Variants in SORBS3 observed in about 807,000 individuals in gnomAD.
SORBS3 encodes vinexin.
SORBS3 carries 69 observed loss-of-function variants against 98.0 expected under a neutral mutation model. The ratio of observed to expected loss-of-function variants is 0.70; its 90% CI spans 0.58 to 0.86. The LOEUF is 0.86. SORBS3 is among the 40% of genes least tolerant of loss of function. The pLI is 0.00. For missense variants in SORBS3, 954 were observed against 908.5 expected, an observed-to-expected ratio of 1.05 and a Z score of -0.64; for synonymous variants, 394 against 355.4, an observed-to-expected ratio of 1.11 and a Z score of -1.22.
chr8:22,547,291 C>G (rs1432202891), upstream of SORBS3, among the ~76,000 whole-genome samples: 2 of 149,750 alleles, frequency 1.3e-5, no homozygotes, highest in African/African-American at 2.5e-5. Context: ...CTGTTCCTCA[C>G]TTTGTTGCCT....
chr8:22,561,990 G>A (rs1380254624), intron 7 of SORBS3, 59 bp downstream of exon 7: 2 of 1,534,696 alleles, frequency 1.3e-6, no homozygotes, highest in Non-Finnish European at 1.8e-6. Flanking sequence ...GAGACACCAT[G>A]GGACGGGCGC....
chr8:22,569,016 T>A, intron 16 of SORBS3, 132 bp from the exon 17 acceptor site: 1 of 935,282 alleles, frequency 1.1e-6, no homozygotes, highest in Non-Finnish European at 1.5e-6. Flanking sequence ...CCCCCAGGGC[T>A]TGTGTCTGGT....
At chr8:22,545,344 A>T (rs192430691) in intron 1 of SORBS3, 52 of 152,408 alleles carry the variant, frequency 3.4e-4, no homozygotes, top group African/African-American at 1.2e-3. Context: ...GTGAGTAGAG[A>T]ACTGTATTAA....
At chr8:22,559,076 T>A (rs1293157466) in intron 5 of SORBS3, among the ~76,000 whole-genome samples, 1 of 152,016 alleles carries the variant, frequency 6.6e-6, no homozygotes, top group African/African-American at 2.4e-5. Flanking sequence ...AGCGGAAGAG[T>A]GCCATGCTCT....
intron 16 of SORBS3, among the ~76,000 whole-genome samples, chr8:22,567,903 A>G (rs1001966413): frequency 6.8e-6 from 1 of 147,714 alleles, no homozygotes; most frequent in Non-Finnish European, 1.5e-5. Context: ...GCTGGAGTGC[A>G]GTGGCGGGAT....
At chr8:22,547,339 T>TA (rs1840026418), upstream of SORBS3, among the ~76,000 whole-genome samples, 5 of 152,154 alleles carry the variant, frequency 3.3e-5, no homozygotes, top group Admixed American at 1.3e-4. Flanking sequence ...TTTTTTTTTT[T>TA]ATCACAACTT....
chr8:22,570,865 A>T (rs998737235), intron 17 of SORBS3, 45 bp from the exon 18 acceptor site: 11 of 1,536,972 alleles, frequency 7.2e-6, no homozygotes, highest in Middle Eastern at 3.5e-4. Context: ...CCGTGGGTCC[A>T]TGGCACCAGG....
chr8:22,565,728 C>G (rs1840396415), intron 11 of SORBS3, 98 bp from the exon 12 acceptor site: 1 of 1,259,840 alleles, frequency 7.9e-7, no homozygotes, highest in East Asian at 3.3e-5. Flanking sequence ...CGCCCGCTCT[C>G]CTCCCCTCCC....
At position 22,552,245 on chromosome 8, in the gene SORBS3, G is replaced by A. The variant is rs542798711; in HGVS notation, c.-56+223G>A. Among the ~76,000 whole-genome samples, 3 of 152,300 alleles carry A rather than the reference G, an allele frequency of 2.0e-5. No homozygotes were observed. In the South Asian group the frequency reaches 6.2e-4, roughly 32 times the overall value. ...ATACCTGGGAAAGCTCTTAGGGCCA[G>A]GCACCCAAGGTCAGGGCAGTGTTCA... On this transcript the variant is annotated intron_variant, in intron 1 of 20. Coordinates refer to ENST00000240123, the MANE Select transcript of SORBS3 (RefSeq NM_005775.5).
chr8:22,571,954 G>T (rs555415382), intron 19 of SORBS3, 133 bp downstream of exon 19: 13 of 669,944 alleles, frequency 1.9e-5, no homozygotes, highest in African/African-American at 1.1e-4. Flanking sequence ...TGTCCTCGAA[G>T]AGCTTATGGT....
intron 3 of SORBS3, 112 bp from the exon 4 acceptor site, chr8:22,556,603 G>A (rs749951876): frequency 9.1e-6 from 8 of 876,538 alleles, no homozygotes; most frequent in Non-Finnish European, 1.3e-5. Context: ...CAAACAAGGC[G>A]ATGTTGAAAC....
At chr8:22,561,425 C>T (rs753231632) in intron 6 of SORBS3, 52 bp downstream of exon 6, 2 of 1,605,690 alleles carry the variant, frequency 1.2e-6, no homozygotes, top group Non-Finnish European at 1.7e-6. Flanking sequence ...CTGCGTCCGC[C>T]CCTCCCTGGG....
At chr8:22,547,270 T>A (rs1840025527), upstream of SORBS3, among the ~76,000 whole-genome samples, 1 of 151,890 alleles carries the variant, frequency 6.6e-6, no homozygotes, top group Non-Finnish European at 1.5e-5. Context: ...AACCTGTTGC[T>A]CCATCTAGAT....
intron 6 of SORBS3, 104 bp downstream of exon 6, chr8:22,561,477 T>C: frequency 7.7e-7 from 1 of 1,302,626 alleles, no homozygotes; most frequent in Non-Finnish European, 1.1e-6. Context: ...GCTCTCCAGT[T>C]GGCTCAGTTC....
chr8:22,571,798 C>T lies in SORBS3; in HGVS notation c.1824C>T (p.Asn608=), dbSNP rs748517313. 2 of 1,613,194 alleles carry T rather than the reference C, an allele frequency of 1.2e-6. No homozygotes were observed. Among genetic ancestry groups the T allele is most frequent in the East Asian group, 4.5e-5 (2 of 44,886 alleles). The change falls in exon 19 of 21, where the codon AAC becomes AAT. Residue 608 remains asparagine, a synonymous_variant. Coordinates refer to ENST00000240123, the MANE Select transcript of SORBS3 (RefSeq NM_005775.5). The stretch of plus-strand genomic sequence containing the variant: ...TGGACCTGGGGACCTCCTCTCCTAA[C>T]ACCTCTCAGATACACTGGACCCCGT... ...HPLDLGTSSP[N]TSQIHWTPYR...
chr8:22,566,313 G>A, intron 12 of SORBS3, 32 bp from the exon 13 acceptor site: 1 of 1,605,270 alleles, frequency 6.2e-7, no homozygotes, highest in Non-Finnish European at 8.5e-7. Context: ...CGGAGCCCCA[G>A]GCTGGAGGCT....
chr8:22,552,597 G>T (rs566668897), intron 1 of SORBS3, among the ~76,000 whole-genome samples: 1 of 152,196 alleles, frequency 6.6e-6, no homozygotes, highest in Admixed American at 6.5e-5. Context: ...ACTACGGGTC[G>T]TGGGGGACCT....
chr8:22,557,083 A>G (rs1342511004), intron 4 of SORBS3, among the ~76,000 whole-genome samples, 175 bp downstream of exon 4: 1 of 152,168 alleles, frequency 6.6e-6, no homozygotes, highest in Non-Finnish European at 1.5e-5. Context: ...AAAGCTGCAG[A>G]CACCCTCGTG....
chr8:22,552,119 C>T (rs1840094245), intron 1 of SORBS3, 97 bp downstream of exon 1: 2 of 958,684 alleles, frequency 2.1e-6, no homozygotes, highest in South Asian at 9.6e-5. Flanking sequence ...CCCCGGGGTC[C>T]GCGTCCCAAA....
Sources: gnomAD v4.1 joint callset for allele counts (sites outside exome capture counted in the v4.1 genomes callset) on GRCh38, gnomAD v4.1.1 for gene constraint, MANE v1.5 for transcripts, NCBI Gene and HGNC (gene_info 2026-07-23, HGNC 2026-07-21) for gene names.